The following AKR1C8 variants were observed in gnomAD, a reference collection of about 807,000 sequenced individuals.
AKR1C8 encodes aldo-keto reductase family 1 member C8.
the AKR1C8 span, among the ~76,000 whole-genome samples, chr10:5,168,928 T>C: frequency 6.6e-6 from 1 of 152,086 alleles, no homozygotes; most frequent in East Asian, 1.9e-4. Flanking sequence ...ATGTTGAATC[T>C]AAAAACAGAT....
the AKR1C8 span, among the ~76,000 whole-genome samples, chr10:5,167,388 T>C: frequency 6.6e-6 from 1 of 152,218 alleles, no homozygotes; most frequent in Non-Finnish European, 1.5e-5. Flanking sequence ...CCAACCCAAA[T>C]GTCCAACAAT....
chr10:5,141,292 C>T, the AKR1C8 span, among the ~76,000 whole-genome samples: 96 of 152,266 alleles, frequency 6.3e-4, 1 homozygote, highest in South Asian at 0.019. Flanking sequence ...GGCTCTACTT[C>T]TCATTCTACC....
At chr10:5,161,727 C>G in the AKR1C8 span, 1 of 534,536 alleles carries the variant, frequency 1.9e-6, no homozygotes, top group East Asian at 5.5e-5. Flanking sequence ...TTTTGGCAAT[C>G]CTATGCACCT....
At chr10:5,138,126 G>A in the AKR1C8 span, among the ~76,000 whole-genome samples, 40,362 of 148,604 alleles carry the variant, frequency 0.27, 6,458 homozygotes, top group Non-Finnish European at 0.35. Context: ...AACAGGGTTC[G>A]AAAGCAGAGA....
At chr10:5,171,011 A>T in the AKR1C8 span, among the ~76,000 whole-genome samples, 44 of 152,266 alleles carry the variant, frequency 2.9e-4, no homozygotes, top group African/African-American at 1.0e-3. Context: ...TGAAAAGCAA[A>T]ACGAAGGATT....
the AKR1C8 span, chr10:5,123,607 T>A: frequency 9.1e-7 from 1 of 1,099,386 alleles, no homozygotes; most frequent in East Asian, 2.6e-5. Context: ...AATTCTCACC[T>A]TACCCTAACT....
the AKR1C8 span, among the ~76,000 whole-genome samples, chr10:5,184,435 C>T: frequency 6.6e-6 from 1 of 152,146 alleles, no homozygotes; most frequent in Non-Finnish European, 1.5e-5. Flanking sequence ...ATCGCAGTGG[C>T]TTCTTATATA....
At chr10:5,145,246 G>C in the AKR1C8 span, among the ~76,000 whole-genome samples, 2 of 152,074 alleles carry the variant, frequency 1.3e-5, no homozygotes, top group African/African-American at 2.4e-5. Flanking sequence ...AAAAACCCTA[G>C]AAGAAAACCT....
the AKR1C8 span, among the ~76,000 whole-genome samples, chr10:5,182,790 G>C: frequency 2.6e-5 from 4 of 151,798 alleles, no homozygotes; most frequent in African/African-American, 9.7e-5. Flanking sequence ...TGCACCTGTA[G>C]TCCCAGCTAC....
chr10:5,161,832 T>C, the AKR1C8 span: 1 of 534,626 alleles, frequency 1.9e-6, no homozygotes, highest in East Asian at 5.5e-5. Context: ...GTCTTGGGCA[T>C]AACAAGGAAA....
the AKR1C8 span, among the ~76,000 whole-genome samples, chr10:5,143,582 C>T: frequency 1.3e-5 from 2 of 151,824 alleles, no homozygotes; most frequent in Non-Finnish European, 2.9e-5. Flanking sequence ...AAATGTATTC[C>T]TGTTCATACA....
the AKR1C8 span, among the ~76,000 whole-genome samples, chr10:5,124,233 T>A: frequency 4.0e-4 from 61 of 152,326 alleles, 1 homozygote; most frequent in Admixed American, 3.5e-3. Context: ...TTACTAGTAA[T>A]GTTTGTATAG....
the AKR1C8 span, among the ~76,000 whole-genome samples, chr10:5,164,973 A>C: frequency 6.6e-6 from 1 of 152,002 alleles, no homozygotes; most frequent in Non-Finnish European, 1.5e-5. Flanking sequence ...CAAGTTGTGG[A>C]TATATTCTTA....
the AKR1C8 span, among the ~76,000 whole-genome samples, chr10:5,180,836 G>C: frequency 6.6e-6 from 1 of 152,182 alleles, no homozygotes; most frequent in Non-Finnish European, 1.5e-5. Context: ...TAAGCCCGTC[G>C]GAAAAGCGCG....
chr10:5,161,831 A>T, the AKR1C8 span: 1 of 534,722 alleles, frequency 1.9e-6, no homozygotes, highest in African/African-American at 1.9e-5. Flanking sequence ...AGTCTTGGGC[A>T]TAACAAGGAA....
chr10:5,152,839 C>A, the AKR1C8 span, among the ~76,000 whole-genome samples: 19 of 152,072 alleles, frequency 1.2e-4, no homozygotes, highest in African/African-American at 4.6e-4. Context: ...TTTCTCTTAG[C>A]CCCTAAAGCT....
the AKR1C8 span, among the ~76,000 whole-genome samples, chr10:5,143,744 T>C: frequency 6.7e-6 from 1 of 148,256 alleles, no homozygotes; most frequent in Non-Finnish European, 1.5e-5. Context: ...TCTATATATT[T>C]ATATCTATAT....
chr10:5,166,673 A>G, the AKR1C8 span, among the ~76,000 whole-genome samples: 2 of 152,184 alleles, frequency 1.3e-5, no homozygotes, highest in African/African-American at 2.4e-5. Flanking sequence ...TAGACCTAAA[A>G]CCATAAAAAC....
At chr10:5,116,179 G>C in the AKR1C8 span, among the ~76,000 whole-genome samples, 4 of 152,100 alleles carry the variant, frequency 2.6e-5, no homozygotes, top group African/African-American at 9.7e-5. Flanking sequence ...GTAGTAGACT[G>C]ATTTCATCTT....
Sources: allele counts gnomAD v4.1 joint callset (sites outside exome capture counted in the v4.1 genomes callset), GRCh38; gene constraint gnomAD v4.1.1; transcripts MANE v1.5; gene names NCBI Gene and HGNC (gene_info 2026-07-23, HGNC 2026-07-21).